GSE1: variants seen among roughly 807,000 people sequenced by gnomAD.
The protein encoded by GSE1 is Gse1 coiled-coil protein.
A neutral mutation model predicts 112.6 loss-of-function variants in GSE1; 32 were observed. That is an observed-to-expected ratio of 0.28 (90% CI 0.21 to 0.38). The LOEUF (loss-of-function observed/expected upper bound fraction) is 0.38, where lower values mean the gene tolerates loss of function less well. Among genes scored for constraint, GSE1 ranks in the 10% least tolerant of loss-of-function variants. The pLI is 1.00. For missense variants in GSE1, 2,348 were observed against 1,699.2 expected (o/e 1.38, Z -6.71); for synonymous variants, 1,115 against 735.6 (o/e 1.52, Z -8.35).
At chr16:85,430,732 C>T (rs184335349) in intron 2 of GSE1, among the ~76,000 whole-genome samples, 11 of 152,332 alleles carry the variant, frequency 7.2e-5, no homozygotes, top group East Asian at 1.9e-4. Context: ...TGAAGGGCAC[C>T]GCTGGGGAAA....
At chr16:85,485,382 G>A (rs2050800609) in intron 2 of GSE1, among the ~76,000 whole-genome samples, 1 of 152,220 alleles carries the variant, frequency 6.6e-6, no homozygotes, top group Non-Finnish European at 1.5e-5. Context: ...CACACCAGGG[G>A]CGGTGGGGAG....
At chr16:85,614,591 G>A (rs929677178) in intron 1 of GSE1, among the ~76,000 whole-genome samples, 2 of 152,208 alleles carry the variant, frequency 1.3e-5, no homozygotes, top group African/African-American at 4.8e-5. Context: ...GTGGTGGGCC[G>A]GGGGCCTGGC....
intron 1 of GSE1, among the ~76,000 whole-genome samples, chr16:85,614,782 G>A (rs1348904905): frequency 1.3e-5 from 2 of 152,204 alleles, no homozygotes; most frequent in Non-Finnish European, 2.9e-5. Context: ...TGCCTTATCT[G>A]GGGCCTGAGG....
rs867374775 is a variant in GSE1, at chr16:85,601,569, G to T, written c.37+45206G>T. 2.0e-5 allele frequency among the ~76,000 whole-genome samples: 3 copies of T among 152,166 alleles called. No individual in the cohort carries two copies. In the South Asian group the frequency reaches 6.2e-4, roughly 32 times the overall value. ...CACTGCCTCCACGCTCACCTTCAGC[G>T]CGGGGCCGGCAGACACCCAGAAGGG... On this transcript the variant is annotated intron_variant, in intron 1 of 2. Transcript: ENST00000635906.
intron 1 of GSE1, among the ~76,000 whole-genome samples, chr16:85,201,342 T>G (rs923410007): frequency 1.3e-5 from 2 of 150,846 alleles, no homozygotes; most frequent in African/African-American, 2.4e-5. Context: ...TTTGGTGTTT[T>G]TTTTTTTTTT....
intron 2 of GSE1, among the ~76,000 whole-genome samples, chr16:85,365,511 A>T (rs1436149492): frequency 1.3e-5 from 2 of 152,214 alleles, no homozygotes; most frequent in African/African-American, 4.8e-5. Flanking sequence ...TGCAGAGCGT[A>T]GCCTTGGGGT....
At chr16:85,476,635 C>CATTTATTT (rs55658057) in intron 2 of GSE1, among the ~76,000 whole-genome samples, 1 of 151,338 alleles carries the variant, frequency 6.6e-6, no homozygotes, top group African/African-American at 2.4e-5. Context: ...GTAATTCTTT[C>CATTTATTT]ATTTATTTAT....
chr16:85,666,398 C>G (rs767103929), intron 13 of GSE1, 51 bp downstream of exon 13: 12 of 1,601,574 alleles, frequency 7.5e-6, no homozygotes, highest in Admixed American at 6.7e-5. Flanking sequence ...TTGAGGCTGA[C>G]CAAAGTTGCT....
At chr16:85,169,556 A>G in exon 1 of GSE1, 1 of 974,808 alleles carries the variant, frequency 1.0e-6, no homozygotes, top group Non-Finnish European at 1.2e-6. Flanking sequence ...GTCTCCCGCA[A>G]GCAGCGGCTC....
intron 1 of GSE1, among the ~76,000 whole-genome samples, chr16:85,328,123 C>G (rs1254786801): frequency 6.6e-6 from 1 of 152,272 alleles, no homozygotes; most frequent in African/African-American, 2.4e-5. Context: ...TGCTTGGCTG[C>G]TCATGCCCAG....
At chr16:85,442,441 G>GATGA (rs57785914) in intron 2 of GSE1, among the ~76,000 whole-genome samples, 98,427 of 150,330 alleles carry the variant, frequency 0.65, 35,645 homozygotes, top group Non-Finnish European at 0.8. Context: ...TGAATGAATG[G>GATGA]ATGAATGAAT....
intron 2 of GSE1, among the ~76,000 whole-genome samples, chr16:85,503,717 A>G (rs2051444650): frequency 6.6e-6 from 1 of 152,222 alleles, no homozygotes; most frequent in Non-Finnish European, 1.5e-5. Flanking sequence ...GGCAGTGTCG[A>G]AGCAAACCTC....
chr16:85,400,640 G>A (rs1472666332), intron 2 of GSE1, among the ~76,000 whole-genome samples: 6 of 151,044 alleles, frequency 4.0e-5, no homozygotes, highest in Non-Finnish European at 8.9e-5. Flanking sequence ...TCTGTGTGTT[G>A]TGTGTGTCTC....
Position 85,534,668 on chromosome 16 carries a change from G to A in GSE1, c.2465-99246G>A, listed in dbSNP as rs555689046. Reference sequence around the variant, plus strand: ...GTCCGCCTCTTGGCCGCTGCTGGTCGTGCCGCCGTGAGCTCGGGTGTGCAA... The same window carrying A: ...GTCCGCCTCTTGGCCGCTGCTGGTCATGCCGCCGTGAGCTCGGGTGTGCAA... On this transcript the variant is annotated intron_variant, in intron 2 of 2. Coordinates refer to the GSE1 transcript ENST00000637419. 4.6e-5 allele frequency among the ~76,000 whole-genome samples: 7 copies of A among 152,286 alleles called. No individual in the cohort carries two copies. The South Asian group carries it at 6.2e-4, about 14-fold the overall frequency.
chr16:85,271,324 C>G (rs554543052), intron 1 of GSE1, among the ~76,000 whole-genome samples: 24 of 152,296 alleles, frequency 1.6e-4, no homozygotes, highest in Admixed American at 5.9e-4. Flanking sequence ...CTTCCCCGCG[C>G]TCCTGCCTGT....
intron 2 of GSE1, among the ~76,000 whole-genome samples, chr16:85,431,247 A>G (rs1302759533): frequency 6.6e-6 from 1 of 152,164 alleles, no homozygotes; most frequent in Admixed American, 6.5e-5. Context: ...CCCTGGGGTG[A>G]ATGTGGAGGA....
intron 1 of GSE1, among the ~76,000 whole-genome samples, chr16:85,568,615 C>T (rs1031022037): frequency 2.6e-5 from 4 of 152,218 alleles, no homozygotes; most frequent in Non-Finnish European, 1.5e-5. Context: ...GTGGCTAGAG[C>T]AGGCAGCCAG....
upstream of GSE1, among the ~76,000 whole-genome samples, chr16:85,607,410 C>T (rs1000049467): frequency 1.3e-5 from 2 of 152,234 alleles, no homozygotes; most frequent in South Asian, 2.1e-4. Flanking sequence ...CACCAGGGCT[C>T]GGCGGCGCTC....
At chr16:85,581,586 T>C (rs572253832) in intron 1 of GSE1, among the ~76,000 whole-genome samples, 250 of 152,244 alleles carry the variant, frequency 1.6e-3, no homozygotes, top group African/African-American at 5.8e-3. Flanking sequence ...GCTCTCCTCT[T>C]CCGTAGAAGT....
Sources: gnomAD v4.1 joint callset for allele counts (sites outside exome capture counted in the v4.1 genomes callset) on GRCh38, gnomAD v4.1.1 for gene constraint, MANE v1.5 for transcripts, NCBI Gene and HGNC (gene_info 2026-07-23, HGNC 2026-07-21) for gene names.